Variants in DIXDC1 observed in about 807,000 individuals in gnomAD.
DIXDC1 encodes dixin.
Under a neutral mutation model 103.1 loss-of-function variants are expected in DIXDC1, and 64 were observed. That is an observed-to-expected ratio of 0.62 (90% CI 0.51 to 0.76). The LOEUF (loss-of-function observed/expected upper bound fraction) is 0.76, where lower values mean the gene tolerates loss of function less well. Among genes scored for constraint, DIXDC1 ranks in the 30% least tolerant of loss-of-function variants. The probability of loss-of-function intolerance (pLI) is 0.00; values close to 1 mark genes in which losing one functional copy is unlikely to be tolerated. For synonymous variants in DIXDC1, 266 were observed against 298.5 expected, an observed-to-expected ratio of 0.89 and a Z score of 1.12; for missense variants, 759 against 834.2, an observed-to-expected ratio of 0.91 and a Z score of 1.11.
Position 112,019,026 on chromosome 11 carries a change from G to A in DIXDC1, c.2042G>A (p.Gly681Glu). The A allele has an allele frequency of 6.2e-7, 1 of 1,613,104 alleles. No homozygotes were observed. The highest frequency in any genetic ancestry group is 8.5e-7 in the Non-Finnish European group (1 of 1,179,222). The part of the protein sequence containing the change: ...KIVAWVEEDH[G>E]EN Reference sequence around the variant, plus strand: ...GTAGCTTGGGTGGAAGAAGACCATGGAGAGAATTAATGCCAAGTATCAGAT... The same window carrying A: ...GTAGCTTGGGTGGAAGAAGACCATGAAGAGAATTAATGCCAAGTATCAGAT... Residue 681 changes from glycine (G) to glutamate (E), a missense_variant, in exon 20 of 20, where the codon GGA (glycine) becomes GAA (glutamate). Transcript: ENST00000440460.
chr11:111,966,687 G>A (rs1859752920), intron 2 of DIXDC1, among the ~76,000 whole-genome samples: 1 of 152,212 alleles, frequency 6.6e-6, no homozygotes, highest in South Asian at 2.1e-4. Flanking sequence ...ACAGGCGTGA[G>A]CCACCGCGTC....
intron 2 of DIXDC1, among the ~76,000 whole-genome samples, chr11:111,968,261 G>A (rs1455035456): frequency 6.6e-6 from 1 of 152,172 alleles, no homozygotes; most frequent in African/African-American, 2.4e-5. Context: ...GATGCTGAGT[G>A]AATATTTGCT....
intron 2 of DIXDC1, among the ~76,000 whole-genome samples, chr11:111,968,237 C>T (rs149169689): frequency 6.6e-6 from 1 of 152,292 alleles, no homozygotes; most frequent in Non-Finnish European, 1.5e-5. Context: ...ATAGTGAGTA[C>T]TTGCCACTCA....
At chr11:112,013,135 G>A (rs797029266) in intron 17 of DIXDC1, among the ~76,000 whole-genome samples, 21 of 152,232 alleles carry the variant, frequency 1.4e-4, no homozygotes, top group African/African-American at 4.8e-4. Context: ...TAGAAGGCAC[G>A]TTGTCTCTGT....
chr11:112,012,137 A>G (rs1861442058), intron 17 of DIXDC1, among the ~76,000 whole-genome samples: 1 of 152,230 alleles, frequency 6.6e-6, no homozygotes, highest in Non-Finnish European at 1.5e-5. Context: ...TCTTCCACAA[A>G]TGATCTATAG....
At chr11:112,013,606 G>A (rs1448431411) in intron 17 of DIXDC1, among the ~76,000 whole-genome samples, 1 of 152,082 alleles carries the variant, frequency 6.6e-6, no homozygotes, top group African/African-American at 2.4e-5. Flanking sequence ...GTAAATCTCA[G>A]TCATTGTTTA....
At chr11:111,946,218 C>T (rs782202709) in intron 1 of DIXDC1, among the ~76,000 whole-genome samples, 3 of 151,618 alleles carry the variant, frequency 2.0e-5, no homozygotes, top group Non-Finnish European at 4.4e-5. Flanking sequence ...CCGCCATTCT[C>T]CTGCCTCAGC....
chr11:111,972,284 T>C (rs1423736047), intron 3 of DIXDC1, among the ~76,000 whole-genome samples: 2 of 152,210 alleles, frequency 1.3e-5, no homozygotes, highest in Non-Finnish European at 2.9e-5. Flanking sequence ...CTCTTTTATT[T>C]CTAGGGCAAA....
chr11:112,017,373 A>G lies in DIXDC1; in HGVS notation c.1863-404A>G, dbSNP rs1861625314. On this transcript the variant is annotated intron_variant, in intron 18 of 19. Transcript: ENST00000440460. The surrounding 1 kb of genome is among the most constrained non-coding windows in gnomAD (Gnocchi z 4.0). ...TTAGAAGCCAGCTTCCTAAAGATAG[A>G]GGGATAAAGATCATGATACTTGATT... is the stretch of plus-strand genomic sequence containing the variant. Among the ~76,000 whole-genome samples, 1 of 152,228 alleles carries G rather than the reference A, an allele frequency of 6.6e-6. No homozygotes were observed.
chr11:111,945,272 C>T (rs1304751426), intron 1 of DIXDC1, among the ~76,000 whole-genome samples: 1 of 152,182 alleles, frequency 6.6e-6, no homozygotes, highest in Non-Finnish European at 1.5e-5. Context: ...AGTTTTATAT[C>T]TTACAACTTT....
chr11:112,009,508 A>G (rs1555177012), intron 17 of DIXDC1, among the ~76,000 whole-genome samples: 1 of 152,198 alleles, frequency 6.6e-6, no homozygotes, highest in Non-Finnish European at 1.5e-5. Context: ...ATAACAAAAA[A>G]AAGAGAATTT....
chr11:111,937,284 G>A, upstream of DIXDC1: 2 of 1,307,456 alleles, frequency 1.5e-6, no homozygotes, highest in South Asian at 4.5e-5. Flanking sequence ...TAGGAACCGC[G>A]ACCGCGCCGG....
rs1388649793 is a variant in DIXDC1, at chr11:111,998,903, C to G, written c.1756+2757C>G. On this transcript the variant is annotated intron_variant, in intron 17 of 19. Coordinates refer to ENST00000440460, the MANE Select transcript of DIXDC1 (RefSeq NM_001037954.4). This position sits in a 1 kb window ranked among gnomAD's most constrained non-coding sequence, Gnocchi z 4.1. Reference sequence around the variant, plus strand: ...GTCCCAAGGCACTGTAAAGTCATGTCCAAAACTGGACACAAAACAATAGAG... The same window carrying G: ...GTCCCAAGGCACTGTAAAGTCATGTGCAAAACTGGACACAAAACAATAGAG... Among the ~76,000 whole-genome samples, 1 of 152,146 alleles carries G rather than the reference C, an allele frequency of 6.6e-6. No individual in the cohort carries two copies. The highest frequency in any genetic ancestry group is 1.5e-5 in the Non-Finnish European group (1 of 68,030).
chr11:111,930,558 A>G (rs1555167565), intron 2 of DIXDC1, among the ~76,000 whole-genome samples: 2 of 152,236 alleles, frequency 1.3e-5, no homozygotes, highest in Non-Finnish European at 2.9e-5. Flanking sequence ...ACGTTAACAT[A>G]AAATTGTTAA....
At chr11:112,005,512 A>AT (rs1207916600) in intron 17 of DIXDC1, among the ~76,000 whole-genome samples, 3 of 152,064 alleles carry the variant, frequency 2.0e-5, no homozygotes, top group Non-Finnish European at 4.4e-5. Context: ...CCTGGGCAAC[A>AT]TGGTGAGACC....
chr11:111,985,261 A>G lies in DIXDC1; in HGVS notation c.948A>G (p.Glu316=), dbSNP rs914166936. The change falls in exon 8 of 20, where the codon GAA becomes GAG. Residue 316 remains glutamate, a synonymous_variant. Coordinates refer to ENST00000440460, the MANE Select transcript of DIXDC1 (RefSeq NM_001037954.4). Reference sequence around the variant, plus strand: ...TACTGCTCAATGGATCCTTACCTGAAGATGAACAGGAGAGGCCCTTGGCCC... The same window carrying G: ...TACTGCTCAATGGATCCTTACCTGAGGATGAACAGGAGAGGCCCTTGGCCC... ...QALLLNGSLP[E]DEQERPLALC... is the part of the protein sequence containing the mutation. The G allele has an allele frequency of 9.3e-6, 15 of 1,613,782 alleles. No individual in the cohort carries two copies. Among genetic ancestry groups the G allele is most frequent in the Non-Finnish European group, 1.3e-5 (15 of 1,179,798 alleles).
At position 111,958,724 on chromosome 11, in the gene DIXDC1, G is replaced by C. The variant is rs1207806457; in HGVS notation, c.61-5825G>C. ...GGGGGGTCAGGCTGCCAGCCCCGCA[G>C]ACCGGAGTGGGAATTTATGGTGTTT... On this transcript the variant is annotated intron_variant, in intron 1 of 19. Transcript: ENST00000440460. The surrounding 1 kb of genome is among the most constrained non-coding windows in gnomAD (Gnocchi z 4.2). Among the ~76,000 whole-genome samples the C allele has an allele frequency of 1.3e-5, 2 of 152,210 alleles. No homozygotes were observed. The highest frequency in any genetic ancestry group is 4.8e-5 in the African/African-American group (2 of 41,462).
chr11:111,956,377 C>T (rs1357099308), intron 1 of DIXDC1, among the ~76,000 whole-genome samples: 1 of 151,976 alleles, frequency 6.6e-6, no homozygotes, highest in Non-Finnish European at 1.5e-5. Flanking sequence ...TTTCTTTAAT[C>T]ACAATTTTAA....
At chr11:111,988,752 T>G (rs1256974592) in intron 9 of DIXDC1, among the ~76,000 whole-genome samples, 1 of 152,198 alleles carries the variant, frequency 6.6e-6, no homozygotes, top group Non-Finnish European at 1.5e-5. Flanking sequence ...TGGGGTATCT[T>G]CTTTCTTGGC....
Sources: gnomAD v4.1 joint callset for allele counts (sites outside exome capture counted in the v4.1 genomes callset) on GRCh38, gnomAD v4.1.1 for gene constraint, Gnocchi (gnomAD v3.1) non-coding constraint, MANE v1.5 for transcripts, NCBI Gene and HGNC (gene_info 2026-07-23, HGNC 2026-07-21) for gene names.